DNAH17: variants seen among roughly 807,000 people sequenced by gnomAD.
DNAH17 encodes dynein axonemal heavy chain 17, also known as axonemal beta dynein heavy chain 17.
Under a neutral mutation model 485.6 loss-of-function variants are expected in DNAH17, and 376 were observed. The observed-to-expected ratio is 0.77, with a 90% CI of 0.71 to 0.84. The LOEUF is 0.84. Ranked by LOEUF, DNAH17 falls within the 40% of genes least tolerant of loss-of-function variation. The pLI is 0.00. For synonymous variants in DNAH17, 3,031 were observed against 2,405.9 expected (o/e 1.26, Z -7.60); for missense variants, 6,370 against 5,839.3 (o/e 1.09, Z -2.96).
intron 10 of DNAH17, 35 bp from the exon 11 acceptor site, chr17:78,566,765 G>A: frequency 6.5e-7 from 1 of 1,528,990 alleles, no homozygotes; most frequent in Non-Finnish European, 8.9e-7. Flanking sequence ...CTTGTAATCA[G>A]CGTGCAAAGC....
rs963980692 is a variant in DNAH17 at position 78,480,076 on chromosome 17, C to T, written c.7753-444G>A. On this transcript the variant is annotated intron_variant, in intron 49 of 80. Transcript: ENST00000389840. The stretch of plus-strand genomic sequence containing the variant: ...AAAAAAGTATGTCCCAGGCCGGGCA[C>T]GGTGACTCCCACCTGTAATCCCAGC... Among the ~76,000 whole-genome samples, 8 of 129,134 alleles carry T rather than the reference C, an allele frequency of 6.2e-5. 1 individual carries two copies. The highest frequency in any genetic ancestry group is 1.1e-4 in the Non-Finnish European group (7 of 64,318). The allele number at this position is 129,134 out of a possible 152,430, so 84.7% of individuals were successfully genotyped here.
chr17:78,513,505 G>A (rs910054866), intron 26 of DNAH17, among the ~76,000 whole-genome samples: 3 of 152,034 alleles, frequency 2.0e-5, no homozygotes, highest in Admixed American at 6.6e-5. Context: ...GCATGATCTC[G>A]GCTCACTGCA....
intron 25 of DNAH17, among the ~76,000 whole-genome samples, chr17:78,524,617 A>ATATT (rs1555682595): frequency 2.0e-5 from 3 of 151,552 alleles, no homozygotes; most frequent in Non-Finnish European, 4.4e-5. Flanking sequence ...GAGGAATAAA[A>ATATT]TGTTGTTTAT....
At chr17:78,428,239 A>C (rs929337520) in intron 77 of DNAH17, 7 of 468,962 alleles carry the variant, frequency 1.5e-5, no homozygotes, top group Non-Finnish European at 2.4e-5. Flanking sequence ...AAGCTGGAAG[A>C]CTGCAGGGTG....
chr17:78,551,613 C>T lies in DNAH17; in HGVS notation c.2313G>A (p.Val771=). ...TCTGCAAGTTGTGCAGAATTTCTCG[C>T]ACCTCTTGAATGTACTGAAACACAC... The part of the protein sequence containing the change: ...GEGVFQYIQE[V]REILHNLQNR... Residue 771 remains valine (V), a synonymous_variant, in exon 16 of 81, where the codon GTG becomes GTA. Coordinates refer to ENST00000389840, the MANE Select transcript of DNAH17 (RefSeq NM_173628.4). 1 of 1,613,986 alleles carries T rather than the reference C, an allele frequency of 6.2e-7. No individual in the cohort carries two copies. Among genetic ancestry groups the T allele is most frequent in the Non-Finnish European group, 8.5e-7 (1 of 1,179,896 alleles).
intron 54 of DNAH17, among the ~76,000 whole-genome samples, chr17:78,471,554 G>T (rs951611713): frequency 3.3e-5 from 5 of 152,098 alleles, no homozygotes; most frequent in African/African-American, 7.2e-5. Context: ...TAGAGATAGG[G>T]CCTCACTCTG....
At chr17:78,497,783 G>A (rs1330590011) in intron 37 of DNAH17, among the ~76,000 whole-genome samples, 2 of 152,232 alleles carry the variant, frequency 1.3e-5, no homozygotes, top group South Asian at 2.1e-4. Flanking sequence ...TTACAGGTTA[G>A]AAGGTGGAGG....
At chr17:78,478,659 TCA>T (rs2089207881) in intron 51 of DNAH17, among the ~76,000 whole-genome samples, 1 of 138,078 alleles carries the variant, frequency 7.2e-6, no homozygotes, top group African/African-American at 3.1e-5. Context: ...ATCACCACCA[TCA>T]CTACCATCAC....
chr17:78,501,926 G>T (rs2090309711), intron 33 of DNAH17, 53 bp from the exon 34 acceptor site: 2 of 1,605,966 alleles, frequency 1.2e-6, no homozygotes, highest in South Asian at 2.2e-5. Context: ...CATGCACTGG[G>T]GGGTCTTGTG....
In DNAH17 at chr17:78,535,143, G is replaced by C. The variant is rs114842785; in HGVS notation, c.2859+2156C>G. On this transcript the variant is annotated intron_variant, in intron 19 of 80. Transcript: ENST00000389840. ...CAGCCTGAGTGTTTGTGCTGGCAGA[G>C]CCCAGGGGTGGAGCAGCTCTGTCTG... Among the ~76,000 whole-genome samples, 1,013 of 152,310 alleles carry C rather than the reference G, an allele frequency of 6.7e-3. 8 individuals carry two copies. The highest frequency in any genetic ancestry group is 0.022 in the African/African-American group (919 of 41,552).
chr17:78,544,909 A>G (rs1794688042), intron 16 of DNAH17, among the ~76,000 whole-genome samples: 1 of 151,846 alleles, frequency 6.6e-6, no homozygotes, highest in Non-Finnish European at 1.5e-5. Context: ...CATCTCCATT[A>G]AAGTGATACA....
intron 72 of DNAH17, among the ~76,000 whole-genome samples, chr17:78,440,761 A>C (rs1011882836): frequency 4.6e-5 from 7 of 152,232 alleles, no homozygotes; most frequent in African/African-American, 1.7e-4. Flanking sequence ...CAGGCGTGGA[A>C]TTGCTGGCTC....
In DNAH17 at chr17:78,561,966, A is replaced by G. The variant is rs577733664; in HGVS notation, c.1584T>C (p.Cys528=). 1.3e-4 allele frequency: 211 copies of G among 1,604,960 alleles called. 2 individuals are homozygous for G. The East Asian group carries it at 4.6e-3, about 35-fold the overall frequency. ...TCAGGGGCCGCTCCATGAGGCCCCC[A>G]CACATGTACAGGAGCTGAGGACAAA... The part of the protein sequence containing the change: ...IKSSAKLLYM[C]GGLMERPLIL... The change falls in exon 12 of 81, where the codon TGT becomes TGC. Residue 528 remains cysteine, a synonymous_variant. Transcript: ENST00000389840.
chr17:78,506,662 C>G, intron 30 of DNAH17, 58 bp downstream of exon 30: 1 of 1,610,526 alleles, frequency 6.2e-7, no homozygotes, highest in South Asian at 1.1e-5. Context: ...TAGAGGTGCC[C>G]ACCTGGGGTC....
Position 78,461,610 on chromosome 17 carries a change from G to C in DNAH17, c.9273C>G (p.Ala3091=). 1.2e-6 allele frequency: 2 copies of C among 1,608,480 alleles called. No individual in the cohort carries two copies. Among genetic ancestry groups the C allele is most frequent in the Non-Finnish European group, 1.7e-6 (2 of 1,177,954 alleles). ...DQLIQVVGIE[A]EKVSKEKAIA... ...TGGCCTTCTCTTTGCTGACCTTCTCGGCCTCGATGCCGACCACCTGGATCA... is the reference window on the plus strand; with the variant it reads ...TGGCCTTCTCTTTGCTGACCTTCTCCGCCTCGATGCCGACCACCTGGATCA... The change falls in exon 58 of 81, where the codon GCC becomes GCG. Residue 3091 remains alanine, a synonymous_variant. Transcript: ENST00000389840.
Position 78,505,439 on chromosome 17 carries a change from G to A in DNAH17, c.4810C>T (p.Arg1604Cys), listed in dbSNP as rs765608243. 25 of 1,613,868 alleles carry A rather than the reference G, an allele frequency of 1.5e-5. No homozygotes were observed. The highest frequency in any genetic ancestry group is 1.6e-4 in the Middle Eastern group (1 of 6,084). Residue 1604 changes from arginine (R) to cysteine (C), a missense_variant, in exon 31 of 81, where the codon CGC (arginine) becomes TGC (cysteine). Coordinates refer to ENST00000389840, the MANE Select transcript of DNAH17 (RefSeq NM_173628.4). ...SNGNDPVEVS[R>C]HLSKLFDSLC... ...CTATCGAAGAGTTTGGACAGGTGGC[G>A]GCTCACCTGGGAGGAGGCAAGAAGC...
chr17:78,496,104 T>G, intron 37 of DNAH17, 72 bp from the exon 38 acceptor site: 2 of 1,506,482 alleles, frequency 1.3e-6, no homozygotes, highest in Non-Finnish European at 1.8e-6. Flanking sequence ...GGCCTTCACA[T>G]ATGTTAAAGC....
At chr17:78,451,076 G>A (rs999349933) in intron 66 of DNAH17, among the ~76,000 whole-genome samples, 4 of 152,244 alleles carry the variant, frequency 2.6e-5, no homozygotes, top group East Asian at 1.9e-4. Flanking sequence ...GGGCAGAACG[G>A]GGACAGGCGG....
At chr17:78,435,949 CTGCTT>C in intron 74 of DNAH17, among the ~76,000 whole-genome samples, 1 of 152,240 alleles carries the variant, frequency 6.6e-6, no homozygotes, top group South Asian at 2.1e-4. Context: ...ATTTGTTTTT[CTGCTT>C]TTTCTTTTAC....
Sources: allele counts gnomAD v4.1 joint callset (sites outside exome capture counted in the v4.1 genomes callset), GRCh38; gene constraint gnomAD v4.1.1; transcripts MANE v1.5; gene names NCBI Gene and HGNC (gene_info 2026-07-23, HGNC 2026-07-21).